Variants in SDHA observed in about 807,000 individuals in gnomAD.
SDHA encodes succinate dehydrogenase complex flavoprotein subunit A.
SDHA carries 48 observed loss-of-function variants against 78.4 expected under a neutral mutation model. The ratio of observed to expected loss-of-function variants is 0.61; its 90% CI spans 0.49 to 0.78. SDHA has a LOEUF of 0.78. SDHA is among the 30% of genes least tolerant of loss of function. SDHA has a pLI of 0.00. For synonymous variants in SDHA, 326 were observed against 353.9 expected, an observed-to-expected ratio of 0.92 and a Z score of 0.88; for missense variants, 680 against 892.7, an observed-to-expected ratio of 0.76 and a Z score of 3.04.
rs1470580389 is a variant in SDHA, at chr5:238,448, T to G, written c.1432+1849T>G. Among the ~76,000 whole-genome samples, 5 of 91,170 alleles carry G rather than the reference T, an allele frequency of 5.5e-5. No homozygotes were observed. The South Asian group carries it at 7.7e-4, about 14-fold the overall frequency. The allele number at this position is 91,170 out of a possible 152,430, so 59.8% of individuals were successfully genotyped here. ...ACATATATATACACATATATATGTATTTTTTTTTTTTAAGAGATAGTCTCC... is the reference window on the plus strand; with the variant it reads ...ACATATATATACACATATATATGTAGTTTTTTTTTTTAAGAGATAGTCTCC... On this transcript the variant is annotated intron_variant, in intron 10 of 14. Coordinates refer to ENST00000264932, the MANE Select transcript of SDHA (RefSeq NM_004168.4).
Position 228,229 on chromosome 5 carries a change from G to T in SDHA, c.666G>T (p.Leu222Phe), listed in dbSNP as rs778256616. 1.9e-6 allele frequency: 3 copies of T among 1,613,562 alleles called. No individual in the cohort carries two copies. The highest frequency in any genetic ancestry group is 2.5e-6 in the Non-Finnish European group (3 of 1,179,722). Reference protein sequence around the residue: ...DTSYFVEYFALDLLMENGECR... With the variant: ...DTSYFVEYFAFDLLMENGECR... ...GCTATTTTGTGGAGTATTTTGCCTT[G>T]GATCTCCTGATGGAGAATGGGGAGT... Residue 222 changes from leucine (L) to phenylalanine (F), a missense_variant, in exon 6 of 15, where the codon TTG becomes TTT. By Grantham distance (22) the Leu-to-Phe change is conservative. Transcript: ENST00000264932.
At chr5:258,954 T>C (rs1162688024), downstream of SDHA, among the ~76,000 whole-genome samples, 3 of 34,888 alleles carry the variant, frequency 8.6e-5, no homozygotes, top group East Asian at 4.0e-4. Context: ...GAGCTCCGCC[T>C]CCCGTCCGAG....
intron 1 of SDHA, 35 bp downstream of exon 1, chr5:218,453 G>T: frequency 1.5e-6 from 2 of 1,352,888 alleles, no homozygotes; most frequent in African/African-American, 1.5e-5. Context: ...CGGGGCAGGC[G>T]GGGGCCGAGG....
intron 11 of SDHA, among the ~76,000 whole-genome samples, chr5:248,084 C>CA (rs910539655): frequency 6.6e-6 from 1 of 152,184 alleles, no homozygotes; most frequent in African/African-American, 2.4e-5. Context: ...AGAAGCAGAA[C>CA]AACTGGTTTG....
chr5:230,841 C>A, intron 6 of SDHA, 35 bp from the exon 7 acceptor site: 1 of 1,614,010 alleles, frequency 6.2e-7, no homozygotes, highest in Non-Finnish European at 8.5e-7. Flanking sequence ...AGATGTGGGC[C>A]GCTGTGTGCA....
rs1060505007 is a variant in SDHA at position 218,379 on chromosome 5, G to C, written c.24G>C (p.Ser8=). 2 of 1,455,340 alleles carry C rather than the reference G, an allele frequency of 1.4e-6. No individual in the cohort carries two copies. The highest frequency in any genetic ancestry group is 5.0e-5 in the Admixed American group (2 of 40,268). 90.2% of individuals were successfully genotyped at this position (1,455,340 alleles called of 1,614,324 possible). A position where few individuals can be genotyped will look rare whatever the true frequency, so the allele number is the denominator to read the frequency against. MSGVRGL[S]RLLSARRLAL... ...ACATGTCGGGGGTCCGGGGCCTGTC[G>C]CGGCTGCTGAGCGCTCGGCGCCTGG... The change falls in exon 1 of 15, where the codon TCG becomes TCC. Residue 8 remains serine, a synonymous_variant. Transcript: ENST00000264932.
intron 11 of SDHA, among the ~76,000 whole-genome samples, chr5:244,600 T>C (rs1215647668): frequency 6.6e-6 from 1 of 152,058 alleles, no homozygotes; most frequent in African/African-American, 2.4e-5. Context: ...GGAAAGAAAT[T>C]TAAAGGTTTG....
At position 225,906 on chromosome 5, in the gene SDHA, T is replaced by G. The variant is rs1060503711; in HGVS notation, c.480T>G (p.Phe160Leu). ...AGCTAGAAAATTATGGCATGCCGTT[T>G]AGCAGAACTGAAGATGGGAAGATTT... ...VVELENYGMPFSRTEDGKIYQ... is the reference protein window; with the variant it reads ...VVELENYGMPLSRTEDGKIYQ... The change falls in exon 5 of 15, where the codon TTT (phenylalanine) becomes TTG (leucine). Residue 160 changes from phenylalanine (F) to leucine (L), a missense_variant. Phe to Leu is a conservative substitution (Grantham distance 22). Transcript: ENST00000264932. 21 of 1,613,154 alleles carry G rather than the reference T, an allele frequency of 1.3e-5. No individual in the cohort carries two copies. Among genetic ancestry groups the G allele is most frequent in the Non-Finnish European group, 1.8e-5 (21 of 1,179,974 alleles).
chr5:242,390 C>T (rs13356383), intron 11 of SDHA, among the ~76,000 whole-genome samples: 36,455 of 151,962 alleles, frequency 0.24, 6,758 homozygotes, highest in African/African-American at 0.52. Context: ...ATAGCATGAG[C>T]GATCTGTGCC....
Position 233,466 on chromosome 5 carries a change from G to T in SDHA, c.896-11G>T, listed in dbSNP as rs774043076. 9.9e-6 allele frequency: 16 copies of T among 1,613,700 alleles called. No individual in the cohort carries two copies. The highest frequency in any genetic ancestry group is 1.4e-5 in the Non-Finnish European group (16 of 1,179,708). On this transcript the variant is annotated splice_polypyrimidine_tract_variant and intron_variant, in intron 7 of 14. Coordinates refer to ENST00000264932, the MANE Select transcript of SDHA (RefSeq NM_004168.4). ...AATTGTTAGGTAATAAATATGTGTG[G>T]TTTTTTGCAGGCATATATGGTGCTG...
intron 6 of SDHA, among the ~76,000 whole-genome samples, chr5:230,628 A>C (rs1300232140): frequency 7.3e-6 from 1 of 137,712 alleles, no homozygotes; most frequent in East Asian, 1.9e-4. Flanking sequence ...CCTATCTCAA[A>C]ATAAATAAAT....
rs1392275932 is a variant in SDHA at position 225,489 on chromosome 5, A to G, written c.383A>G (p.Lys128Arg). The G allele has an allele frequency of 1.2e-6, 2 of 1,613,762 alleles. No homozygotes were observed. Among genetic ancestry groups the G allele is most frequent in the Non-Finnish European group, 1.7e-6 (2 of 1,179,844 alleles). Residue 128 changes from lysine (K) to arginine (R), a missense_variant, in exon 4 of 15, where the codon AAG becomes AGG. Coordinates refer to ENST00000264932, the MANE Select transcript of SDHA (RefSeq NM_004168.4). ...AGGTGGCATTTCTACGACACCGTGA[A>G]GGGCTCCGACTGGCTGGGGGACCAG... The part of the protein sequence containing the change: ...NWRWHFYDTV[K>R]GSDWLGDQDA...
At chr5:226,604 C>T (rs962675851) in intron 5 of SDHA, among the ~76,000 whole-genome samples, 2 of 151,966 alleles carry the variant, frequency 1.3e-5, no homozygotes, top group African/African-American at 4.8e-5. Flanking sequence ...TGCACTCCAG[C>T]CTGGGCAACA....
In SDHA at chr5:228,272, C is replaced by T. The variant is rs1735173554; in HGVS notation, c.709C>T (p.Leu237=). 3.1e-6 allele frequency: 5 copies of T among 1,613,764 alleles called. No homozygotes were observed. Among genetic ancestry groups the T allele is most frequent in the Admixed American group, 1.7e-5 (1 of 59,996 alleles). Residue 237 remains leucine, a synonymous_variant, in exon 6 of 15, where the codon CTG becomes TTG. Coordinates refer to ENST00000264932, the MANE Select transcript of SDHA (RefSeq NM_004168.4). ...TGGGGAGTGCCGTGGTGTCATCGCA[C>T]TGTGCATAGAGGACGGGTCCATCCA... The part of the protein sequence containing the change: ...ENGECRGVIA[L]CIEDGSIHRI...
Position 245,456 on chromosome 5 carries a change from T to C in SDHA, c.1551+4980T>C, listed in dbSNP as rs1428367746. On this transcript the variant is annotated intron_variant, in intron 11 of 14. Coordinates refer to ENST00000264932, the MANE Select transcript of SDHA (RefSeq NM_004168.4). ...CATTGGAAAGTGTTGCGACAAGGCA[T>C]GTTAAACAGTCCAACGATTTGCCAG... 3.9e-5 allele frequency among the ~76,000 whole-genome samples: 6 copies of C among 152,338 alleles called. 1 individual carries two copies. In the Middle Eastern group the frequency reaches 0.01, roughly 259 times the overall value.
chr5:267,171 T>C, the SDHA span, among the ~76,000 whole-genome samples: 1 of 152,184 alleles, frequency 6.6e-6, no homozygotes, highest in Non-Finnish European at 1.5e-5. Flanking sequence ...AAATTAAAAG[T>C]GGTAAGTCAT....
At chr5:219,016 A>G (rs916075915) in intron 1 of SDHA, among the ~76,000 whole-genome samples, 1 of 152,156 alleles carries the variant, frequency 6.6e-6, no homozygotes, top group Admixed American at 6.5e-5. Flanking sequence ...AGAAAGCGCA[A>G]ATCTGTCCAT....
chr5:246,051 G>A (rs780930332), intron 11 of SDHA, among the ~76,000 whole-genome samples: 6 of 152,196 alleles, frequency 3.9e-5, no homozygotes, highest in East Asian at 1.9e-4. Context: ...TCAGCTGATC[G>A]AAAAGCAAGT....
intron 1 of SDHA, among the ~76,000 whole-genome samples, chr5:219,964 G>A (rs1387347007): frequency 6.6e-6 from 1 of 152,172 alleles, no homozygotes; most frequent in Non-Finnish European, 1.5e-5. Flanking sequence ...ATATTTATCG[G>A]CATTTCAGAT....
Sources: gnomAD v4.1 joint callset for allele counts (sites outside exome capture counted in the v4.1 genomes callset) on GRCh38, gnomAD v4.1.1 for gene constraint, MANE v1.5 for transcripts, NCBI Gene and HGNC (gene_info 2026-07-23, HGNC 2026-07-21) for gene names.